The following BRSK2 variants were observed in gnomAD, a reference collection of about 807,000 sequenced individuals.
The protein encoded by BRSK2 is BR serine/threonine kinase 2.
Under a neutral mutation model 83.3 loss-of-function variants are expected in BRSK2, and 19 were observed. The observed-to-expected ratio is 0.23, with a 90% CI of 0.16 to 0.33. The LOEUF (loss-of-function observed/expected upper bound fraction) is 0.33. BRSK2 is among the 10% of genes least tolerant of loss of function. The pLI is 1.00. For missense variants in BRSK2, 798 were observed against 1,042.3 expected (o/e 0.77, Z 3.23); for synonymous variants, 519 against 435.4 (o/e 1.19, Z -2.39).
At chr11:1,406,907 C>T (rs549551450) in intron 1 of BRSK2, among the ~76,000 whole-genome samples, 31 of 152,032 alleles carry the variant, frequency 2.0e-4, no homozygotes, top group African/African-American at 7.2e-4. Context: ...TGTCTGTGTG[C>T]GTGTGTGTGT....
chr11:1,452,802 C>T (rs1032241479), intron 15 of BRSK2, among the ~76,000 whole-genome samples: 3 of 151,988 alleles, frequency 2.0e-5, no homozygotes, highest in Admixed American at 6.5e-5. Context: ...CCTGCACAGA[C>T]GCCTTGGACG....
chr11:1,450,764 T>A lies in BRSK2; in HGVS notation c.1465T>A (p.Ser489Thr). ...LNSIKNSFLG[S>T]PRFHRRKLQV... ...CTCCATCAAGAACAGCTTTCTGGGC[T>A]CACCCCGCTTCCACCGCCGGAAACT... Residue 489 changes from serine to threonine, a missense_variant, in exon 14 of 20, where the codon TCA (serine) becomes ACA (threonine). Physicochemically the swap from Ser to Thr is moderately conservative, Grantham distance 58 (BLOSUM62 1). This residue lies in a region of BRSK2 where 455 missense variants were observed against 455.2 expected (regional missense o/e 1.00). Coordinates refer to ENST00000528841, the MANE Select transcript of BRSK2 (RefSeq NM_001256627.2). 1 of 1,595,092 alleles carries A rather than the reference T, an allele frequency of 6.3e-7. No individual in the cohort carries two copies. The highest frequency in any genetic ancestry group is 1.1e-5 in the South Asian group (1 of 88,842).
chr11:1,451,349 C>T (rs959610145), intron 14 of BRSK2, 22 bp from the exon 15 acceptor site: 2 of 1,612,824 alleles, frequency 1.2e-6, no homozygotes, highest in African/African-American at 1.3e-5. Context: ...CGCCTTTCCT[C>T]CTGTTCATCC....
rs917225512 is a variant in BRSK2, at chr11:1,390,891, G to A, written c.91+516G>A. ...CGCGGTGGGGGCGGGAGAGTGCGGG[G>A]ACCTGCAGAGGGCTGGACAGCGCCT... On this transcript the variant is annotated intron_variant, in intron 1 of 19. Coordinates refer to ENST00000528841, the MANE Select transcript of BRSK2 (RefSeq NM_001256627.2). This position sits in a 1 kb window ranked among gnomAD's most constrained non-coding sequence, Gnocchi z 6.8. 1.3e-5 allele frequency among the ~76,000 whole-genome samples: 2 copies of A among 152,210 alleles called. No individual in the cohort carries two copies. The highest frequency in any genetic ancestry group is 2.9e-5 in the Non-Finnish European group (2 of 68,016).
intron 1 of BRSK2, among the ~76,000 whole-genome samples, chr11:1,417,991 A>G (rs1165621708): frequency 3.5e-5 from 5 of 142,482 alleles, no homozygotes; most frequent in African/African-American, 1.3e-4. Flanking sequence ...TCTTCTCTTG[A>G]GAGTGGGTCA....
In BRSK2 at chr11:1,413,265, G is replaced by T. The variant is rs187077313; in HGVS notation, c.92-22775G>T. On this transcript the variant is annotated intron_variant, in intron 1 of 19. Coordinates refer to ENST00000528841, the MANE Select transcript of BRSK2 (RefSeq NM_001256627.2). ...CACCCCCTCAGGTGTGGTGTGCCCT[G>T]ACCCCACTGTCCACTGGGGTCAGCC... 4.3e-3 allele frequency among the ~76,000 whole-genome samples: 655 copies of T among 152,232 alleles called. 3 individuals are homozygous for T. Among genetic ancestry groups the T allele is most frequent in the African/African-American group, 0.015 (618 of 41,552 alleles).
chr11:1,405,643 G>A (rs949083837), intron 1 of BRSK2, among the ~76,000 whole-genome samples: 22 of 152,120 alleles, frequency 1.4e-4, no homozygotes, highest in Non-Finnish European at 4.4e-5. Context: ...CTTGGCCGTT[G>A]ACCTTTGCTC....
intron 1 of BRSK2, among the ~76,000 whole-genome samples, chr11:1,408,723 G>C (rs1297700161): frequency 6.6e-6 from 1 of 151,956 alleles, no homozygotes; most frequent in East Asian, 1.9e-4. Flanking sequence ...GTGCACATCT[G>C]CCTGTGCAGG....
intron 1 of BRSK2, among the ~76,000 whole-genome samples, chr11:1,394,367 G>GC (rs1315981398): frequency 2.2e-5 from 2 of 92,916 alleles, no homozygotes; most frequent in African/African-American, 5.6e-5. Flanking sequence ...CTGGAGATGG[G>GC]CCATGGAGAT....
intron 12 of BRSK2, chr11:1,447,940 G>T: frequency 7.2e-7 from 1 of 1,396,624 alleles, no homozygotes. Flanking sequence ...GCAGGCACAT[G>T]GGCGGGTCTG....
At chr11:1,411,764 CAGCT>C in intron 1 of BRSK2, 1 of 1,335,394 alleles carries the variant, frequency 7.5e-7, no homozygotes, top group South Asian at 1.4e-5. Context: ...CTGGGAGGGC[CAGCT>C]GTGCGGGTTC....
In BRSK2 at chr11:1,461,258, T is replaced by C. The variant is rs1574122; in HGVS notation, c.*535T>C. Reference sequence around the variant, plus strand: ...GGTGGCCTTCTGGGGCCAGGACCCCTGGTGGGCAACGTAGCCACAGGAACA... The same window carrying C: ...GGTGGCCTTCTGGGGCCAGGACCCCCGGTGGGCAACGTAGCCACAGGAACA... On this transcript the variant is annotated 3_prime_UTR_variant, in exon 20 of 20. Transcript: ENST00000528841. 0.79 allele frequency: 430,355 copies of C among 546,028 alleles called. 171,580 individuals carry two copies. Among genetic ancestry groups the C allele is most frequent in the African/African-American group, 0.85 (42,568 of 49,908 alleles). 33.8% of individuals were successfully genotyped at this position (546,028 alleles called of 1,614,324 possible). A position where few individuals can be genotyped will look rare whatever the true frequency, so the allele number is the denominator to read the frequency against.
chr11:1,457,426 AGCC>A (rs1846735125), intron 18 of BRSK2, among the ~76,000 whole-genome samples: 4 of 148,840 alleles, frequency 2.7e-5, no homozygotes, highest in African/African-American at 1.0e-4. Flanking sequence ...GGGTTGCCCC[AGCC>A]TGGAACCACC....
chr11:1,420,281 C>A (rs1848523408), intron 1 of BRSK2, among the ~76,000 whole-genome samples: 3 of 152,248 alleles, frequency 2.0e-5, no homozygotes, highest in South Asian at 2.1e-4. Flanking sequence ...CCCCAACTAC[C>A]CTTCTTGTTG....
intron 1 of BRSK2, among the ~76,000 whole-genome samples, chr11:1,411,814 G>A (rs904727319): frequency 2.0e-5 from 3 of 152,152 alleles, no homozygotes; most frequent in Non-Finnish European, 2.9e-5. Context: ...GTGGAGAGGC[G>A]CCTGCCCCTA....
In BRSK2 at chr11:1,424,979, G is replaced by A. The variant is rs555116236; in HGVS notation, c.92-11061G>A. Among the ~76,000 whole-genome samples the A allele has an allele frequency of 3.3e-5, 5 of 152,250 alleles. No homozygotes were observed. The East Asian group carries it at 5.8e-4, about 18-fold the overall frequency. ...GAATCTGGGGCCCTTGTCAGAGACC[G>A]CGGGGTCAGTGGGATTGGCGCCCAG... On this transcript the variant is annotated intron_variant, in intron 1 of 19. Coordinates refer to ENST00000528841, the MANE Select transcript of BRSK2 (RefSeq NM_001256627.2).
Position 1,442,748 on chromosome 11 carries a change from C to T in BRSK2, c.530+142C>T. 1.9e-5 allele frequency: 13 copies of T among 692,578 alleles called. No homozygotes were observed. In the South Asian group the frequency reaches 2.2e-4, roughly 12 times the overall value. The allele number at this position is 692,578 out of a possible 1,614,324, so 42.9% of individuals were successfully genotyped here. A position where few individuals can be genotyped will look rare whatever the true frequency, so the allele number is the denominator to read the frequency against. ...CCCCCCACAATGTGCCTGAGCCTCCCAGTACCCCACAGCCTGGTGGTGGTG... is the reference window on the plus strand; with the variant it reads ...CCCCCCACAATGTGCCTGAGCCTCCTAGTACCCCACAGCCTGGTGGTGGTG... On this transcript the variant is annotated intron_variant, in intron 5 of 19. Transcript: ENST00000528841.
chr11:1,436,452 A>G (rs1850310462), intron 2 of BRSK2, among the ~76,000 whole-genome samples: 1 of 152,124 alleles, frequency 6.6e-6, no homozygotes, highest in Non-Finnish European at 1.5e-5. Flanking sequence ...TCCCAGCTAG[A>G]ATGGAGAGGA....
intron 1 of BRSK2, among the ~76,000 whole-genome samples, chr11:1,424,127 C>T (rs1054118936): frequency 2.6e-5 from 4 of 152,204 alleles, no homozygotes; most frequent in Admixed American, 1.3e-4. Context: ...CACCATTCCA[C>T]CCCCACATCC....
Sources: gnomAD v4.1 joint callset for allele counts (sites outside exome capture counted in the v4.1 genomes callset) on GRCh38, gnomAD v4.1.1 for gene constraint, gnomAD v4.1.1 regional missense constraint, Gnocchi (gnomAD v3.1) non-coding constraint, MANE v1.5 for transcripts, NCBI Gene and HGNC (gene_info 2026-07-23, HGNC 2026-07-21) for gene names.